The following SHROOM4 variants were observed in gnomAD, a reference collection of about 807,000 sequenced individuals.
SHROOM4 encodes the protein shroom family member 4.
A neutral mutation model predicts 80.3 loss-of-function variants in SHROOM4; 17 were observed. The observed-to-expected ratio is 0.21, with a 90% CI of 0.14 to 0.32. The LOEUF is 0.32. Ranked by LOEUF, SHROOM4 falls within the 10% of genes least tolerant of loss-of-function variation. The probability of loss-of-function intolerance (pLI) is 1.00; values close to 1 mark genes in which losing one functional copy is unlikely to be tolerated. For missense variants in SHROOM4, 993 were observed against 1,140.3 expected (o/e 0.87, Z 1.86); for synonymous variants, 400 against 437.5 (o/e 0.91, Z 1.07).
At chrX:50,582,209 G>A (rs1381911842), downstream of SHROOM4, among the ~76,000 whole-genome samples, 6 of 111,648 alleles carry the variant, frequency 5.4e-5, no homozygotes, top group African/African-American at 2.0e-4. Flanking sequence ...ACAAGGAAAG[G>A]AACTGCTCAG....
At chrX:50,610,316 C>G (rs1557249549) in intron 5 of SHROOM4, among the ~76,000 whole-genome samples, 1 of 102,183 alleles carries the variant, frequency 9.8e-6, no homozygotes, top group East Asian at 2.9e-4. Context: ...TTTGTGCAAA[C>G]TGTTCCACCT....
chrX:50,728,831 G>T (rs1370112942), intron 1 of SHROOM4, among the ~76,000 whole-genome samples: 1 of 111,797 alleles, frequency 8.9e-6, no homozygotes, highest in Admixed American at 9.5e-5. Flanking sequence ...CATAACCTTT[G>T]GTGATTAAAT....
chrX:50,617,632 C>CCA (rs1930304225), intron 5 of SHROOM4, among the ~76,000 whole-genome samples: 1 of 74,470 alleles, frequency 1.3e-5, no homozygotes, highest in African/African-American at 5.2e-5. Context: ...TCCCCCCCCC[C>CCA]ACCCCATCCC....
Position 50,634,749 on chromosome X carries a change from C to G in SHROOM4, c.1324G>C (p.Gly442Arg). The G allele has an allele frequency of 8.3e-7, 1 of 1,211,834 alleles. No homozygotes were observed. The highest frequency in any genetic ancestry group is 1.1e-6 in the Non-Finnish European group (1 of 895,555). ...AAAGGGGACAGAGTCCACTGGTGCC[C>G]ATCCTGTACGGGTGGGAGCTCCATC... ...KGMELPPVQD[G>R]HQWTLSPLHS... Residue 442 changes from glycine to arginine, a missense_variant, in exon 4 of 9, where the codon GGG (glycine) becomes CGG (arginine). Transcript: ENST00000376020.
At position 50,602,823 on chromosome X, in the gene SHROOM4, C is replaced by CA. The variant is rs1929491436; in HGVS notation, c.3762-11dup. The stretch of plus-strand genomic sequence containing the variant: ...GTGCTGAAACTCTTGTCTGTGGAAA[C>CA]AAAGAATGACCATTTGAGCACCTCT... On this transcript the variant is annotated splice_polypyrimidine_tract_variant and intron_variant, in intron 6 of 8. Coordinates refer to ENST00000376020, the MANE Select transcript of SHROOM4 (RefSeq NM_020717.5). The CA allele has an allele frequency of 8.3e-7, 1 of 1,206,349 alleles. No individual in the cohort carries two copies. Among genetic ancestry groups the CA allele is most frequent in the African/African-American group, 1.7e-5 (1 of 57,538 alleles).
intron 1 of SHROOM4, among the ~76,000 whole-genome samples, chrX:50,720,786 A>G (rs890378852): frequency 8.9e-6 from 1 of 111,753 alleles, no homozygotes; most frequent in Non-Finnish European, 1.9e-5. Context: ...TAATGGAGAA[A>G]AAGATGGAAA....
At chrX:50,786,260 T>C (rs1331686050) in intron 1 of SHROOM4, among the ~76,000 whole-genome samples, 1 of 111,857 alleles carries the variant, frequency 8.9e-6, no homozygotes, top group Admixed American at 9.5e-5. Flanking sequence ...CAGTTTTGCC[T>C]GTCTCAGAGT....
intron 1 of SHROOM4, among the ~76,000 whole-genome samples, chrX:50,813,673 G>T (rs1315947858): frequency 8.9e-6 from 1 of 112,205 alleles, no homozygotes; most frequent in Non-Finnish European, 1.9e-5. Flanking sequence ...GTGTCTGCGC[G>T]CAAGGTTCTA....
chrX:50,772,183 A>G (rs1935409900), intron 1 of SHROOM4, among the ~76,000 whole-genome samples: 1 of 111,993 alleles, frequency 8.9e-6, no homozygotes, highest in South Asian at 3.8e-4. Context: ...ATCAACAAAC[A>G]TTATTGCTTT....
At chrX:50,794,128 C>A (rs1935911579) in intron 1 of SHROOM4, among the ~76,000 whole-genome samples, 1 of 111,345 alleles carries the variant, frequency 9.0e-6, no homozygotes, top group Non-Finnish European at 1.9e-5. Flanking sequence ...AGGTAGGTGG[C>A]TTATACTTAT....
At chrX:50,762,599 C>T (rs912359885) in intron 1 of SHROOM4, among the ~76,000 whole-genome samples, 4 of 111,608 alleles carry the variant, frequency 3.6e-5, no homozygotes, top group East Asian at 2.8e-4. Context: ...AAATTATCTC[C>T]GTCTTTGTTT....
chrX:50,636,510 C>A, intron 3 of SHROOM4, among the ~76,000 whole-genome samples: 1 of 110,442 alleles, frequency 9.1e-6, no homozygotes, highest in Non-Finnish European at 1.9e-5. Flanking sequence ...TCTTTTTCAA[C>A]CTTTATTTTA....
At chrX:50,679,191 C>A (rs1932894542) in intron 2 of SHROOM4, among the ~76,000 whole-genome samples, 1 of 111,076 alleles carries the variant, frequency 9.0e-6, no homozygotes, top group Non-Finnish European at 1.9e-5. Flanking sequence ...TCCCTTTCCT[C>A]TCAGCAGACA....
chrX:50,641,482 T>C (rs1288700589), intron 2 of SHROOM4, among the ~76,000 whole-genome samples: 4 of 112,048 alleles, frequency 3.6e-5, no homozygotes, highest in Non-Finnish European at 7.5e-5. Flanking sequence ...ACTATAATAA[T>C]GGTTATTAGC....
intron 1 of SHROOM4, among the ~76,000 whole-genome samples, chrX:50,717,117 G>C (rs1268795145): frequency 8.9e-6 from 1 of 112,141 alleles, no homozygotes; most frequent in African/African-American, 3.2e-5. Flanking sequence ...GACTATTCTT[G>C]TAGGGGTAAG....
In SHROOM4 at chrX:50,638,171, C is replaced by G; in HGVS notation, c.404+3G>C. On this transcript the variant is annotated splice_donor_region_variant and intron_variant, in intron 3 of 8. Transcript: ENST00000376020. ...TGTCTTGAGGGGAGGGCTCTAGACT[C>G]ACCTTGTGTTGCAGCCAGAATGCCA... The G allele has an allele frequency of 1.7e-6, 2 of 1,204,909 alleles. No homozygotes were observed. The highest frequency in any genetic ancestry group is 2.2e-6 in the Non-Finnish European group (2 of 892,030).
intron 5 of SHROOM4, among the ~76,000 whole-genome samples, 194 bp from the exon 6 acceptor site, chrX:50,608,378 C>T (rs1416375720): frequency 8.9e-6 from 1 of 111,853 alleles, no homozygotes; most frequent in Admixed American, 9.5e-5. Flanking sequence ...ATACTAGGCA[C>T]TGTTTAAGTG....
rs1369350416 is a variant in SHROOM4, at chrX:50,588,976, G to A, written c.*7719C>T. Among the ~76,000 whole-genome samples, 2 of 111,646 alleles carry A rather than the reference G, an allele frequency of 1.8e-5. No individual in the cohort carries two copies. Among genetic ancestry groups the A allele is most frequent in the Admixed American group, 1.9e-4 (2 of 10,519 alleles). On this transcript the variant is annotated 3_prime_UTR_variant, in exon 9 of 9. Coordinates refer to ENST00000376020, the MANE Select transcript of SHROOM4 (RefSeq NM_020717.5). ...ACTTGGTTTATTTGCCCAATGAGCCGAAGCTCTTATCCATTCTACCACAAT... is the reference window on the plus strand; with the variant it reads ...ACTTGGTTTATTTGCCCAATGAGCCAAAGCTCTTATCCATTCTACCACAAT...
At chrX:50,801,261 G>GGAGAGAGAGAGA (rs781878531) in intron 1 of SHROOM4, among the ~76,000 whole-genome samples, 23,207 of 81,142 alleles carry the variant, frequency 0.29, 3,792 homozygotes, top group East Asian at 0.42. Context: ...GAGAGAAAGA[G>GGAGAGAGAGAGA]GAGAGAGAGA....
Sources: gnomAD v4.1 joint callset for allele counts (sites outside exome capture counted in the v4.1 genomes callset) on GRCh38, gnomAD v4.1.1 for gene constraint, MANE v1.5 for transcripts, NCBI Gene and HGNC (gene_info 2026-07-23, HGNC 2026-07-21) for gene names.